The following CDH13 variants were observed in gnomAD, a reference collection of about 807,000 sequenced individuals.
The protein encoded by CDH13 is cadherin 13.
CDH13 carries 24 observed loss-of-function variants against 63.8 expected under a neutral mutation model. The observed-to-expected ratio is 0.38, with a 90% CI of 0.27 to 0.53. The LOEUF is 0.53. CDH13 is among the 20% of genes least tolerant of loss of function. CDH13 has a pLI of 0.85. For synonymous variants in CDH13, 503 were observed against 355.3 expected (o/e 1.42, Z -4.67); for missense variants, 1,049 against 903.1 (o/e 1.16, Z -2.07).
rs942595696 is a variant in CDH13, at chr16:83,050,108, A to T, written c.366+17890A>T. Among the ~76,000 whole-genome samples, 6 of 152,192 alleles carry T rather than the reference A, an allele frequency of 3.9e-5. No homozygotes were observed. The East Asian group carries it at 1.2e-3, about 29-fold the overall frequency. On this transcript the variant is annotated intron_variant, in intron 3 of 13. Transcript: ENST00000567109. ...AAGATACTCAGGATTCTTTACAAACATGCTAGGTTTCCACTTAGAGCAAGA... is the reference window on the plus strand; with the variant it reads ...AAGATACTCAGGATTCTTTACAAACTTGCTAGGTTTCCACTTAGAGCAAGA...
chr16:82,802,125 T>C (rs572065588), intron 1 of CDH13, among the ~76,000 whole-genome samples: 47 of 152,188 alleles, frequency 3.1e-4, no homozygotes, highest in African/African-American at 8.9e-4. Context: ...TCTCATTGGT[T>C]GGAGCCTGCT....
At chr16:82,722,729 TCTC>T (rs1211481023) in intron 1 of CDH13, among the ~76,000 whole-genome samples, 2 of 152,084 alleles carry the variant, frequency 1.3e-5, no homozygotes, top group African/African-American at 4.8e-5. Context: ...TCTGCCTAGT[TCTC>T]CTGCAGGAAG....
intron 4 of CDH13, among the ~76,000 whole-genome samples, chr16:83,184,632 G>A (rs1254795583): frequency 6.6e-6 from 1 of 152,168 alleles, no homozygotes; most frequent in Non-Finnish European, 1.5e-5. Context: ...GTGCACGCCT[G>A]TAGTCCCAGC....
intron 6 of CDH13, among the ~76,000 whole-genome samples, chr16:83,455,362 G>A (rs1168216251): frequency 6.6e-6 from 1 of 152,178 alleles, no homozygotes; most frequent in Admixed American, 6.5e-5. Flanking sequence ...AAAATGCAGG[G>A]AGCCTGGTGT....
intron 7 of CDH13, among the ~76,000 whole-genome samples, chr16:83,517,349 A>G (rs1029750530): frequency 6.6e-6 from 1 of 152,372 alleles, no homozygotes; most frequent in East Asian, 1.9e-4. Context: ...TTTAGTAGGC[A>G]TAGCGCAACA....
chr16:83,158,637 G>T (rs979038436), intron 4 of CDH13, among the ~76,000 whole-genome samples: 1 of 152,252 alleles, frequency 6.6e-6, no homozygotes, highest in Non-Finnish European at 1.5e-5. Flanking sequence ...AAGGCCACAG[G>T]CCGGGGACTG....
intron 6 of CDH13, among the ~76,000 whole-genome samples, chr16:83,357,939 G>A (rs1010176689): frequency 6.6e-6 from 1 of 152,178 alleles, no homozygotes; most frequent in South Asian, 2.1e-4. Flanking sequence ...CAGGCCCTCT[G>A]CTGAGGGCTT....
intron 6 of CDH13, among the ~76,000 whole-genome samples, chr16:83,377,112 C>T (rs995917385): frequency 5.9e-5 from 9 of 152,078 alleles, no homozygotes; most frequent in African/African-American, 2.2e-4. Flanking sequence ...GATGTACCAC[C>T]CAGCTGAGTC....
At chr16:83,561,133 G>A (rs997512653) in intron 7 of CDH13, among the ~76,000 whole-genome samples, 5 of 151,918 alleles carry the variant, frequency 3.3e-5, no homozygotes, top group African/African-American at 9.7e-5. Flanking sequence ...ACTCATTCAG[G>A]TTCTTCTCTC....
chr16:82,740,373 C>T (rs979721938), intron 1 of CDH13, among the ~76,000 whole-genome samples: 6 of 152,194 alleles, frequency 3.9e-5, no homozygotes, highest in African/African-American at 1.4e-4. Context: ...ATTGTATTAT[C>T]CCACTTTCCA....
chr16:83,054,166 T>A (rs7202573), intron 3 of CDH13, among the ~76,000 whole-genome samples: 129,975 of 152,174 alleles, frequency 0.85, 56,067 homozygotes, highest in East Asian at 0.98. Flanking sequence ...GCACTGTGTA[T>A]TGTTTGCACA....
intron 2 of CDH13, among the ~76,000 whole-genome samples, chr16:82,997,037 G>A (rs1912304402): frequency 8.1e-6 from 1 of 122,868 alleles, no homozygotes; most frequent in African/African-American, 3.7e-5. Context: ...TGATGGTGGT[G>A]ATGATGATGA....
chr16:83,029,987 G>A (rs995011357), intron 2 of CDH13, among the ~76,000 whole-genome samples: 3 of 152,340 alleles, frequency 2.0e-5, no homozygotes, highest in African/African-American at 4.8e-5. Flanking sequence ...GCAAATGCAT[G>A]CACAGATAAT....
chr16:83,405,828 C>T (rs550981892), intron 6 of CDH13, among the ~76,000 whole-genome samples: 1 of 152,160 alleles, frequency 6.6e-6, no homozygotes, highest in Non-Finnish European at 1.5e-5. Flanking sequence ...TGGTTGGTAT[C>T]ACGTTGCATT....
chr16:82,858,689 C>T (rs2039806055), intron 2 of CDH13: 4 of 611,816 alleles, frequency 6.5e-6, no homozygotes, highest in South Asian at 6.0e-5. Context: ...AGTATTTTAT[C>T]ATCAGTGGGT....
chr16:82,663,326 A>G (rs1912192881), intron 1 of CDH13, among the ~76,000 whole-genome samples: 2 of 152,154 alleles, frequency 1.3e-5, no homozygotes, highest in South Asian at 2.1e-4. Flanking sequence ...AGCTGGGATT[A>G]CAGGCATGCA....
At chr16:82,715,213 G>C (rs779735306) in intron 1 of CDH13, among the ~76,000 whole-genome samples, 1 of 151,690 alleles carries the variant, frequency 6.6e-6, no homozygotes, top group Non-Finnish European at 1.5e-5. Context: ...TAAATGTCCT[G>C]AGTATCAGGA....
At chr16:83,527,510 G>A (rs1249906711) in intron 7 of CDH13, among the ~76,000 whole-genome samples, 7 of 152,174 alleles carry the variant, frequency 4.6e-5, no homozygotes, top group South Asian at 2.1e-4. Flanking sequence ...TGTCTTCTGC[G>A]TTAACCGCAG....
intron 5 of CDH13, among the ~76,000 whole-genome samples, chr16:83,240,717 C>CT (rs56753707): frequency 0.078 from 6,335 of 81,632 alleles, 798 homozygotes; most frequent in Non-Finnish European, 0.1. Context: ...CTGTCTTAAT[C>CT]TTTTTTTTTT....
Sources: gnomAD v4.1 joint callset for allele counts (sites outside exome capture counted in the v4.1 genomes callset) on GRCh38, gnomAD v4.1.1 for gene constraint, MANE v1.5 for transcripts, NCBI Gene and HGNC (gene_info 2026-07-23, HGNC 2026-07-21) for gene names.